The following GALNT13 variants were observed in gnomAD, a reference collection of about 807,000 sequenced individuals.
GALNT13 encodes the protein polypeptide N-acetylgalactosaminyltransferase 13, also known as UDP-GalNAc:polypeptide N-acetylgalactosaminyltransferase 13.
A neutral mutation model predicts 64.2 loss-of-function variants in GALNT13; 28 were observed. The observed-to-expected ratio is 0.44, with a 90% CI of 0.32 to 0.60. The LOEUF (loss-of-function observed/expected upper bound fraction) is 0.60. Ranked by LOEUF, GALNT13 falls within the 20% of genes least tolerant of loss-of-function variation. GALNT13 has a pLI of 0.05. For synonymous variants in GALNT13, 214 were observed against 224.6 expected (o/e 0.95, Z 0.42); for missense variants, 577 against 669.8 (o/e 0.86, Z 1.53).
chr2:153,546,353 C>T, the GALNT13 span, among the ~76,000 whole-genome samples: 3 of 152,042 alleles, frequency 2.0e-5, no homozygotes, highest in Non-Finnish European at 4.4e-5. Flanking sequence ...CATTTTCATC[C>T]CCTGGATTCT....
chr2:154,394,250 A>G (rs1698954804), intron 9 of GALNT13, among the ~76,000 whole-genome samples: 1 of 152,074 alleles, frequency 6.6e-6, no homozygotes, highest in Non-Finnish European at 1.5e-5. Flanking sequence ...ATGACCCAAG[A>G]TCTGATTTTA....
At position 153,944,482 on chromosome 2, in the gene GALNT13, G is replaced by C. The variant is rs760649021; in HGVS notation, c.-16G>C. The C allele has an allele frequency of 1.9e-6, 3 of 1,610,086 alleles. No homozygotes were observed. The South Asian group carries it at 3.3e-5, about 18-fold the overall frequency. The stretch of plus-strand genomic sequence containing the variant: ...TTGTCTTCAATCTGTGTGTTAACTA[G>C]AAATCAAGGAAAGACATGAGGAGAT... On this transcript the variant is annotated 5_prime_UTR_variant, in exon 3 of 13. It removes the in-frame stop codon of an upstream open reading frame in the 5' UTR. Transcript: ENST00000392825.
At chr2:153,430,726 A>G in the GALNT13 span, among the ~76,000 whole-genome samples, 1 of 151,956 alleles carries the variant, frequency 6.6e-6, no homozygotes, top group Non-Finnish European at 1.5e-5. Flanking sequence ...TTATTTTGAT[A>G]TAAGACCCCT....
chr2:153,802,776 C>T, the GALNT13 span, among the ~76,000 whole-genome samples: 1 of 152,178 alleles, frequency 6.6e-6, no homozygotes, highest in Non-Finnish European at 1.5e-5. Flanking sequence ...TTCATTTAGT[C>T]ACAGCATTAC....
chr2:154,226,010 G>T (rs546497220), intron 4 of GALNT13, among the ~76,000 whole-genome samples: 1 of 152,170 alleles, frequency 6.6e-6, no homozygotes, highest in South Asian at 2.1e-4. Flanking sequence ...AAGTTAAAGG[G>T]TGGGGAGTTA....
At chr2:153,625,513 C>G in the GALNT13 span, among the ~76,000 whole-genome samples, 38 of 152,186 alleles carry the variant, frequency 2.5e-4, no homozygotes, top group East Asian at 3.7e-3. Flanking sequence ...GTCACACATG[C>G]CACAGAATTT....
chr2:153,969,082 T>C (rs1693570252), intron 3 of GALNT13, among the ~76,000 whole-genome samples: 3 of 152,134 alleles, frequency 2.0e-5, no homozygotes, highest in Non-Finnish European at 1.5e-5. Context: ...TTGTCTTTGC[T>C]CTCATTACTT....
intron 9 of GALNT13, among the ~76,000 whole-genome samples, chr2:154,311,328 A>G (rs1327488024): frequency 6.6e-6 from 1 of 152,124 alleles, no homozygotes; most frequent in Non-Finnish European, 1.5e-5. Flanking sequence ...ATAAAAGGAC[A>G]GAGTACAAAA....
chr2:154,337,890 G>C (rs571137874), intron 9 of GALNT13, among the ~76,000 whole-genome samples: 2 of 152,120 alleles, frequency 1.3e-5, no homozygotes, highest in Non-Finnish European at 2.9e-5. Context: ...ATTTATATTA[G>C]TAAAGCTTTG....
At chr2:153,648,459 C>T in the GALNT13 span, among the ~76,000 whole-genome samples, 1 of 152,138 alleles carries the variant, frequency 6.6e-6, no homozygotes, top group African/African-American at 2.4e-5. Flanking sequence ...CCCTGTATTT[C>T]CTTCTCCTGC....
the GALNT13 span, among the ~76,000 whole-genome samples, chr2:153,071,586 C>T: frequency 6.6e-6 from 1 of 152,172 alleles, no homozygotes; most frequent in African/African-American, 2.4e-5. Flanking sequence ...TATTATTAAA[C>T]AGGGGCCAGA....
the GALNT13 span, among the ~76,000 whole-genome samples, chr2:153,283,600 G>C: frequency 6.6e-6 from 1 of 151,970 alleles, no homozygotes; most frequent in Admixed American, 6.5e-5. Context: ...AGTGGAGAGG[G>C]CCCCACTTCA....
intron 4 of GALNT13, among the ~76,000 whole-genome samples, chr2:154,174,477 A>T (rs866340102): frequency 2.0e-5 from 3 of 152,160 alleles, no homozygotes; most frequent in Non-Finnish European, 4.4e-5. Flanking sequence ...TTTTAAGCTA[A>T]CATAACAGTT....
chr2:153,470,054 A>G, the GALNT13 span, among the ~76,000 whole-genome samples: 2 of 152,176 alleles, frequency 1.3e-5, no homozygotes, highest in African/African-American at 4.8e-5. Context: ...GAAATAGTTG[A>G]TAGAATAAAT....
At chr2:153,226,508 C>T in the GALNT13 span, among the ~76,000 whole-genome samples, 1 of 152,116 alleles carries the variant, frequency 6.6e-6, no homozygotes, top group Non-Finnish European at 1.5e-5. Flanking sequence ...GACAGTATGC[C>T]TTCTTGATAT....
the GALNT13 span, among the ~76,000 whole-genome samples, chr2:153,530,410 T>G: frequency 6.6e-6 from 1 of 152,114 alleles, no homozygotes; most frequent in Non-Finnish European, 1.5e-5. Context: ...GCTCATGGAT[T>G]AGATGAGTCA....
the GALNT13 span, among the ~76,000 whole-genome samples, chr2:153,602,810 G>A: frequency 5.7e-4 from 86 of 151,842 alleles, 1 homozygote; most frequent in East Asian, 0.015. Context: ...TGTGAAGATA[G>A]ACTCCAGGGG....
the GALNT13 span, among the ~76,000 whole-genome samples, chr2:153,704,149 C>T: frequency 3.3e-5 from 5 of 152,140 alleles, no homozygotes; most frequent in African/African-American, 1.2e-4. Context: ...ATATATAAGG[C>T]ATTCCATTAT....
At chr2:154,410,389 G>C (rs1699739946) in intron 11 of GALNT13, among the ~76,000 whole-genome samples, 1 of 151,918 alleles carries the variant, frequency 6.6e-6, no homozygotes, top group Admixed American at 6.6e-5. Flanking sequence ...AAAACTTTAT[G>C]TCTTTCCATT....
Sources: gnomAD v4.1 joint callset for allele counts (sites outside exome capture counted in the v4.1 genomes callset) on GRCh38, gnomAD v4.1.1 for gene constraint, MANE v1.5 for transcripts, NCBI Gene and HGNC (gene_info 2026-07-23, HGNC 2026-07-21) for gene names.